The following CTNND2 variants were observed in gnomAD, a reference collection of about 807,000 sequenced individuals.
The protein encoded by CTNND2 is catenin delta-2.
Under a neutral mutation model 144.4 loss-of-function variants are expected in CTNND2, and 22 were observed. The ratio of observed to expected loss-of-function variants is 0.15; its 90% CI spans 0.11 to 0.22. The LOEUF (loss-of-function observed/expected upper bound fraction) is 0.22. CTNND2 is among the 10% of genes least tolerant of loss of function. The probability of loss-of-function intolerance (pLI) is 1.00; values close to 1 mark genes in which losing one functional copy is unlikely to be tolerated. For missense variants in CTNND2, 1,353 were observed against 1,618.8 expected, an observed-to-expected ratio of 0.84 and a Z score of 2.82; for synonymous variants, 751 against 695.6, an observed-to-expected ratio of 1.08 and a Z score of -1.25.
intron 3 of CTNND2, among the ~76,000 whole-genome samples, chr5:11,558,208 T>A (rs955222462): frequency 2.0e-5 from 3 of 152,244 alleles, no homozygotes; most frequent in Non-Finnish European, 4.4e-5. Context: ...AAAAGTTCCA[T>A]GGCAGGTACC....
chr5:11,057,779 T>C (rs1179519389), intron 16 of CTNND2, among the ~76,000 whole-genome samples: 1 of 152,188 alleles, frequency 6.6e-6, no homozygotes, highest in African/African-American at 2.4e-5. Flanking sequence ...TCCTAGAGAC[T>C]TGTTGAATGT....
intron 9 of CTNND2, among the ~76,000 whole-genome samples, chr5:11,261,629 G>A (rs1036918147): frequency 1.3e-5 from 2 of 152,348 alleles, no homozygotes; most frequent in East Asian, 1.9e-4. Context: ...GGGATGCCCC[G>A]AGGGCAAAAC....
intron 9 of CTNND2, among the ~76,000 whole-genome samples, chr5:11,263,009 T>C (rs574166779): frequency 1.1e-3 from 164 of 152,210 alleles, no homozygotes; most frequent in African/African-American, 3.7e-3. Context: ...CACAAAAGCA[T>C]AACATTTCAG....
At chr5:11,564,366 T>G (rs1776910799) in intron 3 of CTNND2, among the ~76,000 whole-genome samples, 1 of 152,212 alleles carries the variant, frequency 6.6e-6, no homozygotes, top group South Asian at 2.1e-4. Context: ...ATAATTTTAT[T>G]TTGTGGTCAA....
intron 3 of CTNND2, among the ~76,000 whole-genome samples, chr5:11,562,632 C>G (rs1776770032): frequency 6.6e-6 from 1 of 152,178 alleles, no homozygotes; most frequent in Non-Finnish European, 1.5e-5. Context: ...TTATTTAGTA[C>G]AGATTTAAGA....
intron 7 of CTNND2, among the ~76,000 whole-genome samples, chr5:11,382,379 A>C (rs1464903579): frequency 6.6e-6 from 1 of 152,134 alleles, no homozygotes; most frequent in Non-Finnish European, 1.5e-5. Flanking sequence ...CGAGCAGATC[A>C]CTTGAGGTCA....
chr5:11,604,912 T>C (rs1420086197), intron 2 of CTNND2, among the ~76,000 whole-genome samples: 1 of 152,238 alleles, frequency 6.6e-6, no homozygotes, highest in Non-Finnish European at 1.5e-5. Context: ...TTTATTTATC[T>C]GTGCTTTAAG....
chr5:11,660,446 T>C (rs533937036), intron 2 of CTNND2, among the ~76,000 whole-genome samples: 2 of 152,230 alleles, frequency 1.3e-5, no homozygotes, highest in South Asian at 4.1e-4. Context: ...TTGAGGCTGG[T>C]AAGATGCCTA....
chr5:11,495,800 C>T lies in CTNND2; in HGVS notation c.287+69144G>A, dbSNP rs61757521. On this transcript the variant is annotated intron_variant, in intron 3 of 21. Transcript: ENST00000304623. The stretch of plus-strand genomic sequence containing the variant: ...CAGAAAATCACCGAAGTTCTGACTC[C>T]AGCAGCTCTTGCTGACATCTGAGGA... 9.2e-3 allele frequency among the ~76,000 whole-genome samples: 1,396 copies of T among 152,240 alleles called. 20 individuals are homozygous for T. Among genetic ancestry groups the T allele is most frequent in the African/African-American group, 0.03 (1,265 of 41,536 alleles).
intron 3 of CTNND2, among the ~76,000 whole-genome samples, chr5:11,503,759 T>C (rs1231671977): frequency 6.6e-6 from 1 of 152,240 alleles, no homozygotes; most frequent in Non-Finnish European, 1.5e-5. Flanking sequence ...AACTGGTTTG[T>C]TCATACTTCT....
chr5:11,545,366 T>C (rs955724814), intron 3 of CTNND2, among the ~76,000 whole-genome samples: 2 of 149,914 alleles, frequency 1.3e-5, no homozygotes, highest in Non-Finnish European at 3.0e-5. Flanking sequence ...CCAGATAAAA[T>C]GAGCCTATAG....
chr5:10,994,372 A>G (rs1301944396), intron 18 of CTNND2, among the ~76,000 whole-genome samples: 2 of 17,538 alleles, frequency 1.1e-4, no homozygotes, highest in Non-Finnish European at 2.1e-4. Context: ...GGAAGGAGGA[A>G]GGGGCCGGGG....
chr5:11,313,667 G>C (rs181126360), intron 9 of CTNND2, among the ~76,000 whole-genome samples: 1 of 152,338 alleles, frequency 6.6e-6, no homozygotes, highest in Non-Finnish European at 1.5e-5. Flanking sequence ...GAATCCTGTG[G>C]TTTGCAGCTG....
intron 16 of CTNND2, among the ~76,000 whole-genome samples, chr5:11,040,788 TTAAC>T (rs1744617941): frequency 1.3e-5 from 2 of 152,232 alleles, no homozygotes; most frequent in African/African-American, 4.8e-5. Context: ...AATAATTTGA[TTAAC>T]TATTAAGCAT....
At chr5:11,867,491 C>G (rs1233796248) in intron 1 of CTNND2, among the ~76,000 whole-genome samples, 4 of 152,190 alleles carry the variant, frequency 2.6e-5, no homozygotes, top group African/African-American at 9.6e-5. Flanking sequence ...GTTTCATTAA[C>G]AGGATACTCA....
At chr5:11,119,284 G>A (rs546996609) in intron 12 of CTNND2, among the ~76,000 whole-genome samples, 1 of 152,320 alleles carries the variant, frequency 6.6e-6, no homozygotes, top group Middle Eastern at 3.4e-3. Context: ...AAGTTCCACA[G>A]ACGTGTTAAG....
intron 1 of CTNND2, among the ~76,000 whole-genome samples, chr5:11,801,281 A>C (rs1791667998): frequency 6.6e-6 from 1 of 152,186 alleles, no homozygotes; most frequent in African/African-American, 2.4e-5. Flanking sequence ...AATAATGAGC[A>C]AACTCTTACT....
intron 1 of CTNND2, among the ~76,000 whole-genome samples, chr5:11,849,938 C>T (rs1331295866): frequency 6.6e-6 from 1 of 152,128 alleles, no homozygotes; most frequent in Non-Finnish European, 1.5e-5. Context: ...CCTCCTTTTC[C>T]AGCAATCTGG....
intron 3 of CTNND2, among the ~76,000 whole-genome samples, chr5:11,481,900 C>T (rs1768304945): frequency 6.6e-6 from 1 of 152,058 alleles, no homozygotes; most frequent in Non-Finnish European, 1.5e-5. Flanking sequence ...CTGTGCAGGC[C>T]CCAGAAGGCC....
Sources: gnomAD v4.1 joint callset for allele counts (sites outside exome capture counted in the v4.1 genomes callset) on GRCh38, gnomAD v4.1.1 for gene constraint, MANE v1.5 for transcripts, NCBI Gene and HGNC (gene_info 2026-07-23, HGNC 2026-07-21) for gene names.